PKM: variants seen among roughly 807,000 people sequenced by gnomAD.
PKM encodes the protein pyruvate kinase M1/2.
PKM carries 18 observed loss-of-function variants against 49.8 expected under a neutral mutation model. The observed-to-expected ratio is 0.36, with a 90% confidence interval of 0.25 to 0.54. The LOEUF is 0.54. Among genes scored for constraint, PKM ranks in the 20% least tolerant of loss-of-function variants. PKM has a pLI of 0.89. For missense variants in PKM, 508 were observed against 713.8 expected (o/e 0.71, Z 3.28); for synonymous variants, 239 against 261.8 (o/e 0.91, Z 0.84).
At chr15:72,226,207 G>A (rs2082663961) in intron 1 of PKM, among the ~76,000 whole-genome samples, 1 of 152,176 alleles carries the variant, frequency 6.6e-6, no homozygotes. Flanking sequence ...TTCGTTCATG[G>A]CCAAGGGAGA....
chr15:72,225,897 AT>A (rs1335020522), intron 1 of PKM, among the ~76,000 whole-genome samples: 1 of 152,168 alleles, frequency 6.6e-6, no homozygotes, highest in Non-Finnish European at 1.5e-5. Context: ...GTTTATTTCT[AT>A]TTTTACTAAA....
At chr15:72,227,781 A>AAAAAAAC in intron 1 of PKM, among the ~76,000 whole-genome samples, 1 of 135,618 alleles carries the variant, frequency 7.4e-6, no homozygotes, top group East Asian at 2.3e-4. Context: ...AAAACAAAAA[A>AAAAAAAC]CTGAAGCAAA....
chr15:72,225,527 CTTCCAG>C (rs1358632547), intron 1 of PKM, among the ~76,000 whole-genome samples: 1 of 152,154 alleles, frequency 6.6e-6, no homozygotes, highest in Non-Finnish European at 1.5e-5. Context: ...ACTCTATATC[CTTCCAG>C]TTCACTGAAG....
intron 3 of PKM, among the ~76,000 whole-genome samples, chr15:72,214,380 A>C (rs1170320197): frequency 2.0e-5 from 3 of 152,222 alleles, no homozygotes; most frequent in Non-Finnish European, 4.4e-5. Context: ...ATAATCTCTT[A>C]GAGCATCTCT....
At chr15:72,216,472 A>C (rs1427876137) in intron 3 of PKM, among the ~76,000 whole-genome samples, 2 of 152,130 alleles carry the variant, frequency 1.3e-5, no homozygotes, top group Admixed American at 6.5e-5. Context: ...AAAATTTTTA[A>C]ATTAGCCAGG....
At chr15:72,207,060 C>A in intron 7 of PKM, 67 bp downstream of exon 7, 1 of 1,586,132 alleles carries the variant, frequency 6.3e-7, no homozygotes, top group Non-Finnish European at 8.7e-7. Flanking sequence ...ATCAGACAGC[C>A]TCCAGAGCTT....
At chr15:72,211,843 T>C (rs940926403) in intron 3 of PKM, among the ~76,000 whole-genome samples, 11 of 149,176 alleles carry the variant, frequency 7.4e-5, no homozygotes, top group Admixed American at 6.7e-5. Flanking sequence ...AGAGCCAAGA[T>C]GTCAAAAGAG....
chr15:72,222,981 A>G (rs745545086), intron 1 of PKM, among the ~76,000 whole-genome samples: 6 of 150,978 alleles, frequency 4.0e-5, no homozygotes, highest in Non-Finnish European at 7.4e-5. Context: ...GACAAAAATC[A>G]TAAAAAATAC....
chr15:72,205,629 T>G (rs1441342277), intron 8 of PKM, among the ~76,000 whole-genome samples: 4 of 150,386 alleles, frequency 2.7e-5, no homozygotes, highest in East Asian at 1.9e-4. Flanking sequence ...TTTTAGTTTT[T>G]TTTTTTTTTT....
chr15:72,230,313 C>T (rs898541697), intron 1 of PKM, among the ~76,000 whole-genome samples: 1 of 152,128 alleles, frequency 6.6e-6, no homozygotes, highest in African/African-American at 2.4e-5. Context: ...GCATCCCGCC[C>T]GCCGCGCGGG....
chr15:72,221,306 A>G (rs1270484163), intron 1 of PKM: 30 of 1,430,674 alleles, frequency 2.1e-5, no homozygotes, highest in Non-Finnish European at 2.7e-5. Context: ...TTAAGGAAAA[A>G]GCTGAGTGTA....
intron 1 of PKM, among the ~76,000 whole-genome samples, chr15:72,226,212 G>A (rs776392373): frequency 3.3e-4 from 51 of 152,306 alleles, no homozygotes; most frequent in Non-Finnish European, 5.9e-4. Context: ...TCATGGCCAA[G>A]GGAGATATCA....
intron 6 of PKM, among the ~76,000 whole-genome samples, chr15:72,208,024 T>C (rs1007065457): frequency 6.6e-6 from 1 of 152,190 alleles, no homozygotes; most frequent in Non-Finnish European, 1.5e-5. Flanking sequence ...TTGTGAGCAT[T>C]GGGGAGGGGG....
At chr15:72,226,083 C>T (rs528179070) in intron 1 of PKM, among the ~76,000 whole-genome samples, 75 of 152,306 alleles carry the variant, frequency 4.9e-4, no homozygotes, top group African/African-American at 1.7e-3. Context: ...ATAGTTTCAA[C>T]GTTTACAACA....
At chr15:72,219,211 G>A in intron 1 of PKM, 101 bp from the exon 2 acceptor site, 1 of 1,099,068 alleles carries the variant, frequency 9.1e-7, no homozygotes, top group Non-Finnish European at 1.3e-6. Context: ...AACTCAATAA[G>A]CACGCTTTGT....
At chr15:72,220,133 G>T (rs575481786) in intron 1 of PKM, among the ~76,000 whole-genome samples, 1 of 152,304 alleles carries the variant, frequency 6.6e-6, no homozygotes, top group East Asian at 1.9e-4. Context: ...AGTGTTTGAA[G>T]AACTATCAGG....
At chr15:72,211,848 A>G (rs2082262162) in intron 3 of PKM, among the ~76,000 whole-genome samples, 1 of 152,110 alleles carries the variant, frequency 6.6e-6, no homozygotes, top group Admixed American at 6.6e-5. Flanking sequence ...CAAGATGTCA[A>G]AAGAGCTCTA....
At position 72,217,462 on chromosome 15, in the gene PKM, T is replaced by C. The variant is rs768357296; in HGVS notation, c.193A>G (p.Ile65Val). 60 of 1,612,812 alleles carry C rather than the reference T, an allele frequency of 3.7e-5. No homozygotes were observed. Among genetic ancestry groups the C allele is most frequent in the Non-Finnish European group, 4.9e-5 (58 of 1,178,906 alleles). Residue 65 changes from isoleucine (I) to valine (V), a missense_variant, in exon 3 of 11, where the codon ATT (isoleucine) becomes GTT (valine). Transcript: ENST00000335181. ...SRSVETLKEM[I>V]KSGMNVARLN... The stretch of plus-strand genomic sequence containing the variant: ...CGAGCCACATTCATTCCAGACTTAA[T>C]CATCTCCTTCAACGTCTCCACTGAT...
intron 1 of PKM, among the ~76,000 whole-genome samples, chr15:72,227,756 AAAAAAAAAAAAAAAAAAAC>A (rs1470063106): frequency 0.028 from 3,860 of 138,028 alleles, 287 homozygotes; most frequent in African/African-American, 0.11. Flanking sequence ...AAAAAAAAAA[AAAAAAAAAAAAAAAAAAAC>A]AAAAAACTGA....
Sources: allele counts gnomAD v4.1 joint callset (sites outside exome capture counted in the v4.1 genomes callset), GRCh38; gene constraint gnomAD v4.1.1; transcripts MANE v1.5; gene names NCBI Gene and HGNC (gene_info 2026-07-23, HGNC 2026-07-21).